Variants in CSRNP3 observed in about 807,000 individuals in gnomAD.
The protein encoded by CSRNP3 is cysteine/serine-rich nuclear protein 3.
CSRNP3 carries 12 observed loss-of-function variants against 48.0 expected under a neutral mutation model. The ratio of observed to expected loss-of-function variants is 0.25; its 90% CI spans 0.16 to 0.41. The LOEUF is 0.41. Ranked by LOEUF, CSRNP3 falls within the 10% of genes least tolerant of loss-of-function variation. CSRNP3 has a pLI of 1.00. For missense variants in CSRNP3, 580 were observed against 724.4 expected, an observed-to-expected ratio of 0.80 and a Z score of 2.29; for synonymous variants, 263 against 269.7, an observed-to-expected ratio of 0.98 and a Z score of 0.24.
chr2:165,574,635 GA>G lies in CSRNP3; in HGVS notation c.-23-20402del, dbSNP rs202202400. On this transcript the variant is annotated intron_variant, in intron 3 of 6. Coordinates refer to ENST00000651982, the MANE Select transcript of CSRNP3 (RefSeq NM_001172173.2). ...GTTCCAATAGAATAATTTCATGTGA[GA>G]AAAAACTGGGTTTAGGCTTCTAAAT... is the stretch of plus-strand genomic sequence containing the variant. 3.8e-3 allele frequency among the ~76,000 whole-genome samples: 585 copies of G among 152,168 alleles called. 3 individuals carry two copies. Among genetic ancestry groups the G allele is most frequent in the African/African-American group, 0.012 (505 of 41,494 alleles).
At chr2:165,493,193 G>C (rs1352710668) in intron 1 of CSRNP3, among the ~76,000 whole-genome samples, 1 of 151,370 alleles carries the variant, frequency 6.6e-6, no homozygotes, top group Admixed American at 6.6e-5. Context: ...TCAGTCCCTA[G>C]TTTGCTACTT....
intron 5 of CSRNP3, among the ~76,000 whole-genome samples, chr2:165,672,932 A>G (rs1298116565): frequency 3.3e-5 from 5 of 152,120 alleles, no homozygotes; most frequent in African/African-American, 1.2e-4. Context: ...ACACCAAACC[A>G]GAAACTGTGA....
At chr2:165,673,978 G>A (rs1430389849) in intron 5 of CSRNP3, among the ~76,000 whole-genome samples, 1 of 152,004 alleles carries the variant, frequency 6.6e-6, no homozygotes, top group African/African-American at 2.4e-5. Context: ...CCGAGATTGT[G>A]CCATTGCACT....
At chr2:165,593,478 C>T (rs1019436631) in intron 3 of CSRNP3, among the ~76,000 whole-genome samples, 2 of 152,146 alleles carry the variant, frequency 1.3e-5, no homozygotes, top group African/African-American at 4.8e-5. Context: ...CTAACCATCT[C>T]ACTCCCAGGT....
chr2:165,569,041 C>G (rs984172690), intron 3 of CSRNP3, among the ~76,000 whole-genome samples: 1 of 151,852 alleles, frequency 6.6e-6, no homozygotes, highest in African/African-American at 2.4e-5. Flanking sequence ...TAATTTTAAG[C>G]TAAAGAGACT....
intron 4 of CSRNP3, among the ~76,000 whole-genome samples, chr2:165,642,914 C>A (rs1573939186): frequency 6.6e-6 from 1 of 152,028 alleles, no homozygotes; most frequent in Admixed American, 6.6e-5. Flanking sequence ...TGTATTCTGT[C>A]ATTTAGAAAC....
chr2:165,517,110 G>A (rs774290992), intron 2 of CSRNP3, among the ~76,000 whole-genome samples: 1 of 151,780 alleles, frequency 6.6e-6, no homozygotes, highest in Non-Finnish European at 1.5e-5. Context: ...TATGGACTTG[G>A]TAATATTACC....
rs1304346248 is a variant in CSRNP3 at position 165,539,651 on chromosome 2, CCTCT to C, written c.-24+21693_-24+21696del. On this transcript the variant is annotated intron_variant, in intron 3 of 6. Coordinates refer to ENST00000651982, the MANE Select transcript of CSRNP3 (RefSeq NM_001172173.2). Reference sequence around the variant, plus strand: ...ATGACTTTTTAATTCATTTTCCACTCCTCTCTTTCTGCGACCTTTTTATTTAAAT... The same window carrying C: ...ATGACTTTTTAATTCATTTTCCACTCCTTTCTGCGACCTTTTTATTTAAAT... Among the ~76,000 whole-genome samples, 7 of 152,120 alleles carry C rather than the reference CCTCT, an allele frequency of 4.6e-5. No homozygotes were observed. The East Asian group carries it at 9.7e-4, about 21-fold the overall frequency.
chr2:165,605,122 T>C (rs892136700), intron 4 of CSRNP3, among the ~76,000 whole-genome samples: 1 of 152,188 alleles, frequency 6.6e-6, no homozygotes, highest in African/African-American at 2.4e-5. Context: ...CTCTTCTCTA[T>C]GCTGGCATCT....
chr2:165,524,882 G>A (rs1684712742), intron 3 of CSRNP3, among the ~76,000 whole-genome samples: 1 of 152,166 alleles, frequency 6.6e-6, no homozygotes, highest in Non-Finnish European at 1.5e-5. Flanking sequence ...GTTTGAATAT[G>A]CTATAAATAT....
At chr2:165,603,535 C>CT (rs1003011367) in intron 4 of CSRNP3, among the ~76,000 whole-genome samples, 3 of 151,950 alleles carry the variant, frequency 2.0e-5, no homozygotes, top group Non-Finnish European at 4.4e-5. Context: ...TCCTCATCCA[C>CT]TTTTTTTTAA....
At chr2:165,555,613 C>T (rs1189044523) in intron 3 of CSRNP3, among the ~76,000 whole-genome samples, 1 of 152,142 alleles carries the variant, frequency 6.6e-6, no homozygotes, top group Admixed American at 6.5e-5. Context: ...ACATACTTTG[C>T]CTACTCATTG....
intron 4 of CSRNP3, among the ~76,000 whole-genome samples, chr2:165,606,483 AAAG>A (rs1686015454): frequency 6.6e-6 from 1 of 152,082 alleles, no homozygotes; most frequent in South Asian, 2.1e-4. Context: ...ATTAAAATTG[AAAG>A]AAGACATCAT....
chr2:165,648,669 C>T (rs1026561933), intron 4 of CSRNP3, among the ~76,000 whole-genome samples: 1 of 151,812 alleles, frequency 6.6e-6, no homozygotes, highest in African/African-American at 2.4e-5. Context: ...AGATTACTCA[C>T]AAGAATTAGT....
intron 2 of CSRNP3, among the ~76,000 whole-genome samples, chr2:165,517,306 C>A (rs1684594773): frequency 6.6e-6 from 1 of 151,862 alleles, no homozygotes; most frequent in Non-Finnish European, 1.5e-5. Flanking sequence ...TAATGTATGT[C>A]ATTTTAAAGA....
intron 3 of CSRNP3, among the ~76,000 whole-genome samples, chr2:165,542,016 C>T (rs1298279582): frequency 6.6e-6 from 1 of 152,152 alleles, no homozygotes; most frequent in African/African-American, 2.4e-5. Context: ...CAGCACTGTC[C>T]ATGCTGAACA....
chr2:165,660,000 G>C (rs1277375208), intron 5 of CSRNP3, among the ~76,000 whole-genome samples: 3 of 152,080 alleles, frequency 2.0e-5, no homozygotes, highest in African/African-American at 7.2e-5. Flanking sequence ...TGAAAGTCTC[G>C]GGTCTCATTA....
Position 165,684,060 on chromosome 2 carries a change from A to T in CSRNP3, c.*4307A>T, listed in dbSNP as rs1312066163. ...AGCAAACTCCTATCAGACAGTTTCA[A>T]GGAGGATTTGACTCATGCATAACCC... On this transcript the variant is annotated 3_prime_UTR_variant, in exon 7 of 7. Coordinates refer to ENST00000651982, the MANE Select transcript of CSRNP3 (RefSeq NM_001172173.2). 1 of 152,160 alleles carries T rather than the reference A, an allele frequency of 6.6e-6. No homozygotes were observed. Among genetic ancestry groups the T allele is most frequent in the Non-Finnish European group, 1.5e-5 (1 of 68,000 alleles). The allele number at this position is 152,160 out of a possible 1,614,324, so 9.4% of individuals were successfully genotyped here. A position where few individuals can be genotyped will look rare whatever the true frequency, so the allele number is the denominator to read the frequency against.
intron 1 of CSRNP3, among the ~76,000 whole-genome samples, chr2:165,477,047 T>A (rs1356297306): frequency 6.6e-6 from 1 of 152,154 alleles, no homozygotes; most frequent in Non-Finnish European, 1.5e-5. Flanking sequence ...TTGCTGGGCA[T>A]CAGCTGGTAA....
Sources: allele counts gnomAD v4.1 joint callset (sites outside exome capture counted in the v4.1 genomes callset), GRCh38; gene constraint gnomAD v4.1.1; transcripts MANE v1.5; gene names NCBI Gene and HGNC (gene_info 2026-07-23, HGNC 2026-07-21).